Variants in AFG1L observed in about 807,000 individuals in gnomAD.
AFG1L encodes AFG1 like ATPase, also known as AFG1-like ATPase.
In AFG1L, 53 loss-of-function variants were observed where a neutral mutation model predicts 62.2. The ratio of observed to expected loss-of-function variants is 0.85; its 90% CI spans 0.68 to 1.07. The LOEUF (loss-of-function observed/expected upper bound fraction) is 1.07, where lower values mean the gene tolerates loss of function less well. Among genes scored for constraint, AFG1L ranks in the 50% least tolerant of loss-of-function variants. The probability of loss-of-function intolerance (pLI) is 0.00; values close to 1 mark genes in which losing one functional copy is unlikely to be tolerated. For synonymous variants in AFG1L, 228 were observed against 210.3 expected (o/e 1.08, Z -0.73); for missense variants, 555 against 590.5 (o/e 0.94, Z 0.62).
At chr6:108,446,478 ACT>A (rs71732762) in intron 7 of AFG1L, among the ~76,000 whole-genome samples, 1 of 120,876 alleles carries the variant, frequency 8.3e-6, no homozygotes, top group Non-Finnish European at 1.8e-5. Flanking sequence ...TTCTGGCCCA[ACT>A]CTCTCTCTCT....
chr6:108,322,839 A>G (rs1777866868), intron 1 of AFG1L, among the ~76,000 whole-genome samples: 1 of 152,212 alleles, frequency 6.6e-6, no homozygotes, highest in African/African-American at 2.4e-5. Flanking sequence ...TAAACAGTAG[A>G]GAAGGAGTTA....
intron 5 of AFG1L, among the ~76,000 whole-genome samples, chr6:108,358,241 C>G (rs1381140989): frequency 1.3e-5 from 2 of 152,142 alleles, no homozygotes; most frequent in African/African-American, 4.8e-5. Flanking sequence ...AGCCTTTTAA[C>G]CAAATATCTC....
intron 2 of AFG1L, among the ~76,000 whole-genome samples, chr6:108,343,748 G>A (rs2079118680): frequency 1.3e-5 from 2 of 152,150 alleles, no homozygotes; most frequent in African/African-American, 4.8e-5. Flanking sequence ...AAGAAGTTTT[G>A]GCAGGAGTAG....
chr6:108,457,466 A>T (rs1015616401), intron 8 of AFG1L, among the ~76,000 whole-genome samples: 1 of 151,650 alleles, frequency 6.6e-6, no homozygotes, highest in South Asian at 2.1e-4. Context: ...CATTTTTACT[A>T]TCCCGGGCTT....
chr6:108,381,423 T>G (rs1369917790), intron 6 of AFG1L, among the ~76,000 whole-genome samples: 1 of 152,130 alleles, frequency 6.6e-6, no homozygotes, highest in Non-Finnish European at 1.5e-5. Flanking sequence ...TGTCAGGACC[T>G]GGGTGCATTT....
intron 8 of AFG1L, among the ~76,000 whole-genome samples, 188 bp from the exon 9 acceptor site, chr6:108,476,668 TGCAAATAAG>T (rs1773116885): frequency 1.3e-5 from 2 of 152,350 alleles, no homozygotes; most frequent in South Asian, 4.1e-4. Flanking sequence ...TTTCAGTGTA[TGCAAATAAG>T]GCAGAATCAT....
Position 108,477,246 on chromosome 6 carries a change from C to G in AFG1L, c.1016C>G (p.Ala339Gly), listed in dbSNP as rs2114815945. ...VQGRELRLNK[A>G]CGTVADCTFE... The stretch of plus-strand genomic sequence containing the variant: ...GGCAGAGAGCTGCGCCTGAATAAAG[C>G]CTGTGGAACCGTTGCCGACTGCACA... Residue 339 changes from alanine to glycine, a missense_variant, in exon 10 of 13, where the codon GCC (alanine) becomes GGC (glycine). Coordinates refer to ENST00000368977, the MANE Select transcript of AFG1L (RefSeq NM_145315.5). The G allele has an allele frequency of 1.2e-6, 2 of 1,610,336 alleles. No individual in the cohort carries two copies. The highest frequency in any genetic ancestry group is 1.7e-6 in the Non-Finnish European group (2 of 1,177,298).
At chr6:108,477,994 A>G (rs1773183729) in intron 10 of AFG1L, among the ~76,000 whole-genome samples, 1 of 152,248 alleles carries the variant, frequency 6.6e-6, no homozygotes, top group Non-Finnish European at 1.5e-5. Flanking sequence ...TATAATTTTA[A>G]GCATAATTTT....
intron 8 of AFG1L, among the ~76,000 whole-genome samples, chr6:108,466,936 C>T (rs920851702): frequency 1.3e-5 from 2 of 151,830 alleles, no homozygotes; most frequent in Admixed American, 1.3e-4. Context: ...CAAAAATAAA[C>T]AAACTACTTC....
intron 1 of AFG1L, among the ~76,000 whole-genome samples, chr6:108,315,718 G>A (rs1777564297): frequency 6.6e-6 from 1 of 152,162 alleles, no homozygotes; most frequent in Non-Finnish European, 1.5e-5. Flanking sequence ...TTACAGGCAT[G>A]AGCCACTGTG....
In AFG1L at chr6:108,472,238, A is replaced by T. The variant is rs185323131; in HGVS notation, c.891-4627A>T. 6.8e-4 allele frequency among the ~76,000 whole-genome samples: 103 copies of T among 152,302 alleles called. 2 individuals carry two copies. Among genetic ancestry groups the T allele is most frequent in the Admixed American group, 6.6e-3 (101 of 15,286 alleles). ...TGAGTGAGGAGAAGGGGAAGGGATG[A>T]GGAGAGGTAGGTCAAAAGATAGCAA... On this transcript the variant is annotated intron_variant, in intron 8 of 12. Coordinates refer to ENST00000368977, the MANE Select transcript of AFG1L (RefSeq NM_145315.5).
chr6:108,312,890 GCTTC>G (rs1777465905), intron 1 of AFG1L, among the ~76,000 whole-genome samples: 1 of 151,908 alleles, frequency 6.6e-6, no homozygotes, highest in African/African-American at 2.4e-5. Context: ...TCCCACCTTG[GCTTC>G]CTAAAGTGCT....
chr6:108,492,957 C>CAG lies in AFG1L; in HGVS notation c.1062+15673_1062+15674dup, dbSNP rs1369761440. Among the ~76,000 whole-genome samples the CAG allele has an allele frequency of 2.6e-5, 4 of 151,674 alleles. No homozygotes were observed. The East Asian group carries it at 5.8e-4, about 22-fold the overall frequency. ...ATAATTATACACACACACACACACA[C>CAG]AGAGAGAGACATACATTTGTAACGG... On this transcript the variant is annotated intron_variant, in intron 10 of 12. Coordinates refer to ENST00000368977, the MANE Select transcript of AFG1L (RefSeq NM_145315.5).
chr6:108,476,242 G>GT (rs925599591), intron 8 of AFG1L, among the ~76,000 whole-genome samples: 15 of 152,298 alleles, frequency 9.8e-5, no homozygotes, highest in Admixed American at 5.2e-4. Context: ...CATAGTAGCT[G>GT]TAACAGTGGG....
At chr6:108,489,332 A>T (rs893814595) in intron 10 of AFG1L, among the ~76,000 whole-genome samples, 1 of 152,348 alleles carries the variant, frequency 6.6e-6, no homozygotes, top group Middle Eastern at 3.4e-3. Flanking sequence ...TGTGAAATAT[A>T]CATACACAGC....
rs1775185592 is a variant in AFG1L at position 108,523,086 on chromosome 6, C to G, written c.*661C>G. ...AATTATGATGGGATCAAATAAGGAGCAAGTGTCAAATTCCAGCCAACAGGC... is the reference window on the plus strand; with the variant it reads ...AATTATGATGGGATCAAATAAGGAGGAAGTGTCAAATTCCAGCCAACAGGC... On this transcript the variant is annotated 3_prime_UTR_variant, in exon 13 of 13. Coordinates refer to ENST00000368977, the MANE Select transcript of AFG1L (RefSeq NM_145315.5). The G allele has an allele frequency of 6.9e-6, 1 of 143,896 alleles. No homozygotes were observed. The highest frequency in any genetic ancestry group is 2.6e-5 in the African/African-American group (1 of 38,702). The allele number at this position is 143,896 out of a possible 1,614,324, so 8.9% of individuals were successfully genotyped here. A position where few individuals can be genotyped will look rare whatever the true frequency, so the allele number is the denominator to read the frequency against.
rs550913699 is a variant in AFG1L, at chr6:108,388,538, A to G, written c.749-13458A>G. 6.7e-4 allele frequency among the ~76,000 whole-genome samples: 102 copies of G among 152,278 alleles called. 1 individual carries two copies. Among genetic ancestry groups the G allele is most frequent in the African/African-American group, 2.4e-3 (101 of 41,550 alleles). The stretch of plus-strand genomic sequence containing the variant: ...TAGTGCTATAAATTTCCCTCTGCAC[A>G]CTGCTTTGAATGTGTCCCAGAGATT... On this transcript the variant is annotated intron_variant, in intron 6 of 12. Transcript: ENST00000368977.
chr6:108,409,778 T>A (rs897189657), intron 7 of AFG1L, among the ~76,000 whole-genome samples: 15 of 152,000 alleles, frequency 9.9e-5, no homozygotes, highest in African/African-American at 3.4e-4. Flanking sequence ...CCCAAACTTA[T>A]GAAAGATCAT....
At position 108,420,427 on chromosome 6, in the gene AFG1L, T is replaced by C. The variant is rs112532076; in HGVS notation, c.807+18373T>C. ...TTTATTTTATTAAAAAATAAAAATA[T>C]ATTTAATATTAAATATATTAAAACA... On this transcript the variant is annotated intron_variant, in intron 7 of 12. Coordinates refer to ENST00000368977, the MANE Select transcript of AFG1L (RefSeq NM_145315.5). Among the ~76,000 whole-genome samples, 744 of 148,190 alleles carry C rather than the reference T, an allele frequency of 5.0e-3. 3 individuals are homozygous for C. Among genetic ancestry groups the C allele is most frequent in the African/African-American group, 0.018 (718 of 40,936 alleles).
Sources: gnomAD v4.1 joint callset for allele counts (sites outside exome capture counted in the v4.1 genomes callset) on GRCh38, gnomAD v4.1.1 for gene constraint, MANE v1.5 for transcripts, NCBI Gene and HGNC (gene_info 2026-07-23, HGNC 2026-07-21) for gene names.